Variants in DST observed in about 807,000 individuals in gnomAD.
The protein encoded by DST is dystonin.
Under a neutral mutation model 875.2 loss-of-function variants are expected in DST, and 253 were observed. The ratio of observed to expected loss-of-function variants is 0.29; its 90% CI spans 0.26 to 0.32. The LOEUF (loss-of-function observed/expected upper bound fraction) is 0.32, where lower values mean the gene tolerates loss of function less well. DST is among the 10% of genes least tolerant of loss of function. The pLI, the probability that DST is intolerant of heterozygous loss-of-function variation, is 1.00. For missense variants in DST, 8,287 were observed against 9,111.6 expected (o/e 0.91, Z 3.68); for synonymous variants, 3,124 against 3,197.1 (o/e 0.98, Z 0.77).
chr6:56,844,801 G>A (rs370455312), intron 4 of DST, among the ~76,000 whole-genome samples: 10 of 151,782 alleles, frequency 6.6e-5, no homozygotes, highest in Admixed American at 3.3e-4. Flanking sequence ...GAACCCGGGA[G>A]GTGGAGGTTG....
At chr6:56,636,393 C>A (rs1325475730) in intron 23 of DST, among the ~76,000 whole-genome samples, 164 bp downstream of exon 23, 1 of 147,376 alleles carries the variant, frequency 6.8e-6, no homozygotes, top group Non-Finnish European at 1.5e-5. Context: ...TATGTGTATA[C>A]GTATGTGTGT....
At chr6:56,512,492 T>C (rs2096496452) in intron 72 of DST, among the ~76,000 whole-genome samples, 1 of 152,192 alleles carries the variant, frequency 6.6e-6, no homozygotes, top group Non-Finnish European at 1.5e-5. Flanking sequence ...ACATTATTGA[T>C]TAGGTTCCCT....
Position 56,608,493 on chromosome 6 carries a change from T to C in DST, c.6135A>G (p.Val2045=). ...IQSNPAKRLT[V]DEAVQCDLIT... ...TTAAATCACACTGTACTGCTTCGTC[T>C]ACAGTTAAACGCTTGGCAGGGTTTG... Residue 2045 remains valine (V), a synonymous_variant, in exon 40 of 104, where the codon GTA becomes GTG. Coordinates refer to ENST00000680361, the MANE Select transcript of DST (RefSeq NM_001374736.1). 21 of 1,613,674 alleles carry C rather than the reference T, an allele frequency of 1.3e-5. No individual in the cohort carries two copies. Among genetic ancestry groups the C allele is most frequent in the Non-Finnish European group, 1.8e-5 (21 of 1,179,766 alleles).
chr6:56,825,772 T>C lies in DST; in HGVS notation c.625+25625A>G, dbSNP rs17758144. ...AGATAATTAAAACTGTGAAACAAGA[T>C]AATGGGTACAGAACACACTGGGCTC... is the stretch of plus-strand genomic sequence containing the variant. On this transcript the variant is annotated intron_variant, in intron 4 of 103. Coordinates refer to ENST00000680361, the MANE Select transcript of DST (RefSeq NM_001374736.1). 8.3e-3 allele frequency among the ~76,000 whole-genome samples: 1,270 copies of C among 152,288 alleles called. 25 individuals are homozygous for C. The highest frequency in any genetic ancestry group is 0.022 in the East Asian group (112 of 5,180).
Position 56,954,573 on chromosome 6 carries a change from A to G in DST, c.15T>C (p.Ala5=). 7.4e-7 allele frequency: 1 copy of G among 1,359,046 alleles called. No homozygotes were observed. The highest frequency in any genetic ancestry group is 1.5e-5 in the African/African-American group (1 of 67,190). 84.2% of individuals were successfully genotyped at this position (1,359,046 alleles called of 1,614,324 possible). A position where few individuals can be genotyped will look rare whatever the true frequency, so the allele number is the denominator to read the frequency against. ...TGTAGGGTCTCAGCAAGACGAGGAA[A>G]GCCGCGGCGATCATGGTGCGGGCGA... MIAA[A]FLVLLRPYSI... is the part of the protein sequence containing the mutation. The change falls in exon 1 of 104, where the codon GCT becomes GCC. Residue 5 remains alanine, a synonymous_variant. Transcript: ENST00000680361.
chr6:56,889,215 C>T (rs1020661506), intron 3 of DST, among the ~76,000 whole-genome samples: 3 of 152,198 alleles, frequency 2.0e-5, no homozygotes, highest in Admixed American at 6.5e-5. Flanking sequence ...CATCTATGTA[C>T]AAATAATTCT....
At chr6:56,677,604 C>G (rs1389347985) in intron 9 of DST, among the ~76,000 whole-genome samples, 1 of 152,222 alleles carries the variant, frequency 6.6e-6, no homozygotes, top group East Asian at 1.9e-4. Flanking sequence ...ACCACAGCAC[C>G]TAGCCCCACC....
chr6:56,936,465 T>A (rs62411428), intron 2 of DST, among the ~76,000 whole-genome samples: 2 of 152,024 alleles, frequency 1.3e-5, no homozygotes, highest in African/African-American at 4.8e-5. Flanking sequence ...TGGGTACTGA[T>A]GTTCAGATAC....
In DST at chr6:56,618,196, G is replaced by A. The variant is rs763717692; in HGVS notation, c.4930-3712C>T. ...AACACTGCTGGCTTTTCTCTTTCTC[G>A]AGTGGAGCCCCTGGTGGCTGGAATT... On this transcript the variant is annotated intron_variant, in intron 36 of 103. Coordinates refer to ENST00000680361, the MANE Select transcript of DST (RefSeq NM_001374736.1). The A allele has an allele frequency of 9.9e-6, 16 of 1,613,970 alleles. No homozygotes were observed. The highest frequency in any genetic ancestry group is 3.3e-5 in the South Asian group (3 of 91,074).
At chr6:56,585,159 A>G (rs1351036651) in intron 49 of DST, among the ~76,000 whole-genome samples, 1 of 152,254 alleles carries the variant, frequency 6.6e-6, no homozygotes, top group African/African-American at 2.4e-5. Context: ...GACTAGTTTC[A>G]GAAGGAATGG....
At chr6:56,512,571 G>A (rs1006504891) in intron 72 of DST, among the ~76,000 whole-genome samples, 13 of 152,100 alleles carry the variant, frequency 8.5e-5, no homozygotes, top group Non-Finnish European at 1.5e-4. Flanking sequence ...AAGCTTCTCT[G>A]GGGAATCTTA....
chr6:56,679,599 T>TAAAAAAAAA (rs1165137050), intron 9 of DST, among the ~76,000 whole-genome samples: 1 of 111,864 alleles, frequency 8.9e-6, no homozygotes, highest in African/African-American at 3.5e-5. Flanking sequence ...TATGTCTCAT[T>TAAAAAAAAA]AAAAAAAAAA....
At chr6:56,850,446 C>A (rs1764578997) in intron 4 of DST, among the ~76,000 whole-genome samples, 1 of 151,824 alleles carries the variant, frequency 6.6e-6, no homozygotes, top group Non-Finnish European at 1.5e-5. Flanking sequence ...GAAAGGGACC[C>A]CCAGAGTTAA....
At chr6:56,828,197 T>A (rs1200684750) in intron 4 of DST, among the ~76,000 whole-genome samples, 1 of 152,162 alleles carries the variant, frequency 6.6e-6, no homozygotes, top group Non-Finnish European at 1.5e-5. Flanking sequence ...GGAGCCTGGA[T>A]CTTATAGTTA....
Position 56,670,713 on chromosome 6 carries a change from C to A in DST, c.1142G>T (p.Gly381Val). ...GGTAGTGAAATTTTCACACCGAATTCCAGCATAACCCTCTGTTGCCTGCTG... is the reference window on the plus strand; with the variant it reads ...GGTAGTGAAATTTTCACACCGAATTACAGCATAACCCTCTGTTGCCTGCTG... The part of the protein sequence containing the change: ...WTQQATEGYA[G>V]IRCENFTTCW... Residue 381 changes from glycine to valine, a missense_variant, in exon 10 of 104, where the codon GGA becomes GTA. Transcript: ENST00000680361. 1 of 1,609,788 alleles carries A rather than the reference C, an allele frequency of 6.2e-7. No homozygotes were observed. The highest frequency in any genetic ancestry group is 8.5e-7 in the Non-Finnish European group (1 of 1,178,014).
chr6:56,508,937 T>C (rs1293495753), intron 74 of DST, among the ~76,000 whole-genome samples, 182 bp from the exon 75 acceptor site: 1 of 152,170 alleles, frequency 6.6e-6, no homozygotes, highest in East Asian at 1.9e-4. Context: ...CCAAATAACA[T>C]AATATCTCTG....
chr6:56,473,860 G>A lies in DST; in HGVS notation c.21994+13C>T, dbSNP rs754689562. On this transcript the variant is annotated intron_variant, in intron 93 of 103. Coordinates refer to ENST00000680361, the MANE Select transcript of DST (RefSeq NM_001374736.1). The stretch of plus-strand genomic sequence containing the variant: ...TATTTATTGACATTTTAAAGAAATT[G>A]ATCACTGCTTACTTCCTGCTCGTCC... 6.9e-6 allele frequency: 11 copies of A among 1,584,574 alleles called. No individual in the cohort carries two copies. The East Asian group carries it at 2.5e-4, about 36-fold the overall frequency.
chr6:56,874,141 T>C (rs1778617921), intron 3 of DST, among the ~76,000 whole-genome samples: 1 of 151,848 alleles, frequency 6.6e-6, no homozygotes, highest in African/African-American at 2.4e-5. Context: ...AAAAAAACCA[T>C]GTACCCCATA....
chr6:56,556,272 C>A (rs2097416324), intron 59 of DST, among the ~76,000 whole-genome samples: 1 of 152,122 alleles, frequency 6.6e-6, no homozygotes, highest in South Asian at 2.1e-4. Context: ...TATATTAACT[C>A]ATGATGCATT....
Sources: allele counts gnomAD v4.1 joint callset (sites outside exome capture counted in the v4.1 genomes callset), GRCh38; gene constraint gnomAD v4.1.1; transcripts MANE v1.5; gene names NCBI Gene and HGNC (gene_info 2026-07-23, HGNC 2026-07-21).